EYA1: variants seen among roughly 807,000 people sequenced by gnomAD.
The protein encoded by EYA1 is EYA transcriptional coactivator and phosphatase 1.
EYA1 carries 16 observed loss-of-function variants against 82.0 expected under a neutral mutation model. The observed-to-expected ratio is 0.20, with a 90% CI of 0.13 to 0.30. The LOEUF (loss-of-function observed/expected upper bound fraction) is 0.30, where lower values mean the gene tolerates loss of function less well. Ranked by LOEUF, EYA1 falls within the 10% of genes least tolerant of loss-of-function variation. The probability of loss-of-function intolerance (pLI) is 1.00; values close to 1 mark genes in which losing one functional copy is unlikely to be tolerated. For synonymous variants in EYA1, 261 were observed against 264.4 expected (o/e 0.99, Z 0.12); for missense variants, 633 against 730.7 (o/e 0.87, Z 1.54).
intron 2 of EYA1, among the ~76,000 whole-genome samples, chr8:71,530,471 G>A (rs1563709050): frequency 6.6e-6 from 1 of 152,166 alleles, no homozygotes; most frequent in African/African-American, 2.4e-5. Flanking sequence ...AAGATGCTCG[G>A]CTTTAAAAAA....
intron 7 of EYA1, among the ~76,000 whole-genome samples, chr8:71,317,089 A>C (rs1427803251): frequency 6.6e-6 from 1 of 152,200 alleles, no homozygotes; most frequent in African/African-American, 2.4e-5. Context: ...AACACTTATC[A>C]CATACTTTAT....
At chr8:71,532,725 C>A (rs1814391762) in intron 2 of EYA1, among the ~76,000 whole-genome samples, 3 of 152,072 alleles carry the variant, frequency 2.0e-5, no homozygotes, top group African/African-American at 7.2e-5. Flanking sequence ...AGGCACAATC[C>A]AGAATGCACC....
At chr8:71,465,264 C>A (rs772923036) in intron 2 of EYA1, among the ~76,000 whole-genome samples, 1 of 152,110 alleles carries the variant, frequency 6.6e-6, no homozygotes, top group Non-Finnish European at 1.5e-5. Context: ...ACAAATAGAG[C>A]AGAAACCATC....
At chr8:71,263,435 CAA>C (rs1326609977) in intron 11 of EYA1, among the ~76,000 whole-genome samples, 1 of 152,218 alleles carries the variant, frequency 6.6e-6, no homozygotes, top group Non-Finnish European at 1.5e-5. Context: ...GACAACTAAA[CAA>C]GAGACAGATT....
chr8:71,425,791 C>T (rs1267897069), intron 2 of EYA1, among the ~76,000 whole-genome samples: 2 of 152,160 alleles, frequency 1.3e-5, no homozygotes, highest in Non-Finnish European at 2.9e-5. Context: ...AGCATGCTTG[C>T]TGGAACAGCC....
At chr8:71,515,489 G>T (rs1812905586) in intron 2 of EYA1, among the ~76,000 whole-genome samples, 1 of 151,290 alleles carries the variant, frequency 6.6e-6, no homozygotes, top group African/African-American at 2.4e-5. Flanking sequence ...AAAAAAAAAA[G>T]CCAATTAATT....
intron 12 of EYA1, among the ~76,000 whole-genome samples, chr8:71,219,895 G>T (rs894982322): frequency 2.6e-5 from 4 of 152,062 alleles, no homozygotes; most frequent in African/African-American, 9.7e-5. Context: ...GTCTTCCTAA[G>T]AGCCAAATTT....
chr8:71,390,589 A>G (rs987482019), intron 2 of EYA1, among the ~76,000 whole-genome samples: 6 of 152,176 alleles, frequency 3.9e-5, no homozygotes, highest in South Asian at 2.1e-4. Context: ...ATTTATGTGA[A>G]GCTGTTCCAT....
At chr8:71,264,209 T>G (rs1362173699) in intron 11 of EYA1, among the ~76,000 whole-genome samples, 1 of 152,192 alleles carries the variant, frequency 6.6e-6, no homozygotes, top group Admixed American at 6.5e-5. Context: ...GTTTAGCTTC[T>G]TCATCAACCA....
intron 12 of EYA1, among the ~76,000 whole-genome samples, chr8:71,228,130 G>A (rs1810776818): frequency 6.6e-6 from 1 of 152,156 alleles, no homozygotes; most frequent in Admixed American, 6.5e-5. Flanking sequence ...AGTTCCCTGT[G>A]AGCTGCAGGA....
chr8:71,311,675 T>C (rs1357439441), intron 7 of EYA1, among the ~76,000 whole-genome samples: 6 of 152,238 alleles, frequency 3.9e-5, no homozygotes, highest in Non-Finnish European at 8.8e-5. Context: ...GGTTGAACTC[T>C]ACAGTTGTTT....
intron 2 of EYA1, among the ~76,000 whole-genome samples, chr8:71,413,710 G>A (rs529370833): frequency 3.9e-5 from 6 of 152,242 alleles, no homozygotes; most frequent in South Asian, 2.1e-4. Context: ...GTTGTGTTTC[G>A]TTTTGCTTTG....
At chr8:71,533,365 G>T (rs1814448760) in intron 2 of EYA1, among the ~76,000 whole-genome samples, 1 of 152,204 alleles carries the variant, frequency 6.6e-6, no homozygotes, top group Non-Finnish European at 1.5e-5. Flanking sequence ...ATGGCCAAAT[G>T]CTGTTAACTG....
At chr8:71,467,286 C>A (rs949150558) in intron 2 of EYA1, among the ~76,000 whole-genome samples, 1 of 151,828 alleles carries the variant, frequency 6.6e-6, no homozygotes, top group South Asian at 2.1e-4. Flanking sequence ...TAAAATATCC[C>A]TTTTTTGTAA....
At chr8:71,541,967 C>T (rs965518817) in intron 1 of EYA1, among the ~76,000 whole-genome samples, 2 of 152,168 alleles carry the variant, frequency 1.3e-5, no homozygotes, top group African/African-American at 4.8e-5. Context: ...AAAACTGGCT[C>T]CACTCAGTTA....
At chr8:71,248,198 T>A (rs1813333985) in intron 11 of EYA1, among the ~76,000 whole-genome samples, 2 of 152,194 alleles carry the variant, frequency 1.3e-5, no homozygotes, top group Non-Finnish European at 2.9e-5. Flanking sequence ...TAGCTGTCAT[T>A]CCTCAACAGT....
intron 4 of EYA1, among the ~76,000 whole-genome samples, chr8:71,324,857 A>G (rs1822974564): frequency 6.6e-6 from 1 of 151,720 alleles, no homozygotes; most frequent in African/African-American, 2.4e-5. Flanking sequence ...TACTCCATCC[A>G]TACTCTCAGG....
At chr8:71,325,985 C>T (rs1371488141) in intron 4 of EYA1, among the ~76,000 whole-genome samples, 1 of 152,096 alleles carries the variant, frequency 6.6e-6, no homozygotes, top group Non-Finnish European at 1.5e-5. Flanking sequence ...GGGAATGACC[C>T]CAGATCATCT....
chr8:71,477,544 A>AT (rs112348107), intron 2 of EYA1, among the ~76,000 whole-genome samples: 26,471 of 150,294 alleles, frequency 0.18, 3,696 homozygotes, highest in East Asian at 0.48. Context: ...GGATGACTAA[A>AT]TTTTTTTTTT....
Sources: allele counts gnomAD v4.1 joint callset (sites outside exome capture counted in the v4.1 genomes callset), GRCh38; gene constraint gnomAD v4.1.1; transcripts MANE v1.5; gene names NCBI Gene and HGNC (gene_info 2026-07-23, HGNC 2026-07-21).